The following PAQR7 variants were observed in gnomAD, a reference collection of about 807,000 sequenced individuals.
The protein encoded by PAQR7 is progestin and adipoQ receptor family member 7.
In PAQR7, 14 loss-of-function variants were observed where a neutral mutation model predicts 24.6. That is an observed-to-expected ratio of 0.57 (90% confidence interval 0.38 to 0.89). PAQR7 has a LOEUF of 0.89. PAQR7 is among the 40% of genes least tolerant of loss of function. The pLI is 0.00. For missense variants in PAQR7, 351 were observed against 444.0 expected (o/e 0.79, Z 1.88); for synonymous variants, 189 against 198.8 (o/e 0.95, Z 0.42).
At position 25,863,083 on chromosome 1, in the gene PAQR7, C is replaced by T. The variant is rs540686019; in HGVS notation, c.757G>A (p.Ala253Thr). The change falls in exon 3 of 3, where the codon GCC (alanine) becomes ACC (threonine). Residue 253 changes from alanine (A) to threonine (T), a missense_variant. By Grantham distance (58) the Ala-to-Thr change is moderately conservative. Transcript: ENST00000675840. The surrounding 1 kb of genome is among the most constrained non-coding windows in gnomAD (Gnocchi z 6.1). ...TCGGGCATGAAGGTAGAGAAGAAGGCAGCAGCCAGCAGAAAGAAGACCACC... is the reference window on the plus strand; with the variant it reads ...TCGGGCATGAAGGTAGAGAAGAAGGTAGCAGCCAGCAGAAAGAAGACCACC... ...CQVVFFLLAA[A>T]FFSTFMPERW... 48 of 1,614,044 alleles carry T rather than the reference C, an allele frequency of 3.0e-5. No homozygotes were observed. In the East Asian group the frequency reaches 1.0e-3, roughly 35 times the overall value.
intron 2 of PAQR7, among the ~76,000 whole-genome samples, chr1:25,867,549 T>C (rs980038404): frequency 6.6e-6 from 1 of 152,172 alleles, no homozygotes; most frequent in Non-Finnish European, 1.5e-5. Flanking sequence ...TTGGACTCAG[T>C]GTTCAGGTTC....
intron 2 of PAQR7, among the ~76,000 whole-genome samples, chr1:25,864,127 AAG>A (rs1228539619): frequency 1.3e-5 from 2 of 152,126 alleles, no homozygotes; most frequent in African/African-American, 4.8e-5. Flanking sequence ...ATTAACTAAT[AAG>A]GCTCCCTGTC....
intron 1 of PAQR7, among the ~76,000 whole-genome samples, chr1:25,874,015 C>G (rs1267081620): frequency 6.6e-6 from 1 of 152,136 alleles, no homozygotes; most frequent in Non-Finnish European, 1.5e-5. Context: ...TCCTGAGTAA[C>G]TGGGATTACA....
rs751356530 is a variant in PAQR7 at position 25,868,293 on chromosome 1, G to A, written c.-23+2316C>T. Among the ~76,000 whole-genome samples the A allele has an allele frequency of 3.9e-5, 6 of 152,194 alleles. No individual in the cohort carries two copies. In the East Asian group the frequency reaches 5.8e-4, roughly 15 times the overall value. ...TTCCACTACTGCGGCAAAGACCAGC[G>A]AATGATGGCGATGGCTGTGCCCTGT... On this transcript the variant is annotated intron_variant, in intron 2 of 2. Coordinates refer to ENST00000675840, the MANE Select transcript of PAQR7 (RefSeq NM_178422.6).
rs1557463058 is a variant in PAQR7, at chr1:25,863,629, CGTT to C, written c.208_210del (p.Asn70del). The C allele has an allele frequency of 6.2e-7, 1 of 1,613,896 alleles. No homozygotes were observed. ...AGGTGGGTCCAGACATTCACGGCCT[CGTT>C]GTGCTGCTGGAACAGCGTGCGGAAA... On this transcript the variant is annotated inframe_deletion, in exon 3 of 3. Transcript: ENST00000675840. The surrounding 1 kb of genome is among the most constrained non-coding windows in gnomAD (Gnocchi z 6.1).
At chr1:25,869,766 T>G (rs1377948694) in intron 2 of PAQR7, among the ~76,000 whole-genome samples, 1 of 152,114 alleles carries the variant, frequency 6.6e-6, no homozygotes, top group Non-Finnish European at 1.5e-5. Flanking sequence ...CCAGGCTCTT[T>G]CTTATAAATT....
intron 2 of PAQR7, among the ~76,000 whole-genome samples, chr1:25,869,916 A>G (rs546891830): frequency 2.2e-4 from 33 of 152,296 alleles, no homozygotes; most frequent in Middle Eastern, 3.4e-3. Context: ...TCCCCCAGAT[A>G]TAATGGGCCC....
Position 25,862,825 on chromosome 1 carries a change from G to A in PAQR7, c.1015C>T (p.Arg339Cys), listed in dbSNP as rs749458792. 41 of 1,613,842 alleles carry A rather than the reference G, an allele frequency of 2.5e-5. No individual in the cohort carries two copies. Among genetic ancestry groups the A allele is most frequent in the East Asian group, 1.6e-4 (7 of 44,896 alleles). Residue 339 changes from arginine to cysteine, a missense_variant, in exon 3 of 3, where the codon CGC (arginine) becomes TGC (cysteine). Arg to Cys is a radical substitution (Grantham distance 180, BLOSUM62 -3). Coordinates refer to ENST00000675840, the MANE Select transcript of PAQR7 (RefSeq NM_178422.6). ...CACTTGGTCTTCTGATCAAGTTTGC[G>A]CTGTACCAGCTGGCTCAGGAGGAAT... is the stretch of plus-strand genomic sequence containing the variant. ...TAFLLSQLVQ[R>C]KLDQKTK
At chr1:25,864,349 G>A (rs72879472) in intron 2 of PAQR7, among the ~76,000 whole-genome samples, 4,283 of 151,998 alleles carry the variant, frequency 0.028, 197 homozygotes, top group African/African-American at 0.094. Context: ...GAGTGGCCAG[G>A]GTCCCCTACT....
chr1:25,864,242 C>T (rs891386620), intron 2 of PAQR7, among the ~76,000 whole-genome samples: 10 of 152,144 alleles, frequency 6.6e-5, no homozygotes, highest in Admixed American at 2.6e-4. Flanking sequence ...AGGGGTGAGG[C>T]GCTCTCAGCC....
Position 25,862,779 on chromosome 1 carries a change from C to G in PAQR7, c.*20G>C. On this transcript the variant is annotated 3_prime_UTR_variant, in exon 3 of 3. Coordinates refer to ENST00000675840, the MANE Select transcript of PAQR7 (RefSeq NM_178422.6). ...CTGTCCCCCAACTATACCTCCCTCCCTACCAGATGCCATCCCCCTTCACTT... is the reference window on the plus strand; with the variant it reads ...CTGTCCCCCAACTATACCTCCCTCCGTACCAGATGCCATCCCCCTTCACTT... 1.2e-6 allele frequency: 2 copies of G among 1,603,628 alleles called. No individual in the cohort carries two copies. Among genetic ancestry groups the G allele is most frequent in the Non-Finnish European group, 1.7e-6 (2 of 1,173,518 alleles).
chr1:25,862,899 TTG>T lies in PAQR7; in HGVS notation c.939_940del (p.His313GlnfsTer29), dbSNP rs767269809. The T allele has an allele frequency of 1.2e-6, 2 of 1,612,988 alleles. No homozygotes were observed. Among genetic ancestry groups the T allele is most frequent in the Non-Finnish European group, 1.7e-6 (2 of 1,179,772 alleles). On this transcript the variant is annotated frameshift_variant, in exon 3 of 3. Coordinates refer to ENST00000675840, the MANE Select transcript of PAQR7 (RefSeq NM_178422.6). LOFTEE classifies it high-confidence loss of function. ...CGTGAGCAGGAAGAGGCCAGAAAAG[TTG>T]TGAGGCCAGTGCGTGTGCAGAGGCT...
chr1:25,862,850 T>G lies in PAQR7; in HGVS notation c.990A>C (p.Ala330=). The change falls in exon 3 of 3, where the codon GCA becomes GCC. Residue 330 remains alanine, a synonymous_variant. Coordinates refer to ENST00000675840, the MANE Select transcript of PAQR7 (RefSeq NM_178422.6). ...GCTGTACCAGCTGGCTCAGGAGGAA[T>G]GCAGTGAGGATGCTGCTGCCCACCG... The part of the protein sequence containing the change: ...LLTVGSSILT[A]FLLSQLVQRK... 1 of 1,614,072 alleles carries G rather than the reference T, an allele frequency of 6.2e-7. No homozygotes were observed. Among genetic ancestry groups the G allele is most frequent in the South Asian group, 1.1e-5 (1 of 91,072 alleles).
Position 25,862,862 on chromosome 1 carries a change from G to C in PAQR7, c.978C>G (p.Ser326Arg). 3.1e-6 allele frequency: 5 copies of C among 1,614,202 alleles called. No individual in the cohort carries two copies. The highest frequency in any genetic ancestry group is 4.2e-6 in the Non-Finnish European group (5 of 1,180,026). Reference sequence around the variant, plus strand: ...GGCTCAGGAGGAATGCAGTGAGGATGCTGCTGCCCACCGTGAGCAGGAAGA... The same window carrying C: ...GGCTCAGGAGGAATGCAGTGAGGATCCTGCTGCCCACCGTGAGCAGGAAGA... ...SGLFLLTVGSSILTAFLLSQL... is the reference protein window; with the variant it reads ...SGLFLLTVGSRILTAFLLSQL... The change falls in exon 3 of 3, where the codon AGC becomes AGG. Residue 326 changes from serine (S) to arginine (R), a missense_variant. Physicochemically the swap from Ser to Arg is moderately radical, Grantham distance 110 (BLOSUM62 -1). Coordinates refer to ENST00000675840, the MANE Select transcript of PAQR7 (RefSeq NM_178422.6).
At position 25,863,064 on chromosome 1, in the gene PAQR7, A is replaced by G. The variant is rs764650238; in HGVS notation, c.776T>C (p.Met259Thr). 2.5e-5 allele frequency: 41 copies of G among 1,614,076 alleles called. No homozygotes were observed. The Admixed American group carries it at 6.7e-4, about 26-fold the overall frequency. The part of the protein sequence containing the change: ...LLAAAFFSTF[M>T]PERWFPGSCH... ...GCTGCCAGGGAACCAGCGCTCGGGCATGAAGGTAGAGAAGAAGGCAGCAGC... is the reference window on the plus strand; with the variant it reads ...GCTGCCAGGGAACCAGCGCTCGGGCGTGAAGGTAGAGAAGAAGGCAGCAGC... The change falls in exon 3 of 3, where the codon ATG becomes ACG. Residue 259 changes from methionine to threonine, a missense_variant. Coordinates refer to ENST00000675840, the MANE Select transcript of PAQR7 (RefSeq NM_178422.6). This position sits in a 1 kb window ranked among gnomAD's most constrained non-coding sequence, Gnocchi z 6.1.
chr1:25,864,234 G>C (rs1292344687), intron 2 of PAQR7, among the ~76,000 whole-genome samples: 1 of 152,152 alleles, frequency 6.6e-6, no homozygotes, highest in East Asian at 1.9e-4. Context: ...CACATGAGAG[G>C]GGTGAGGCGC....
At chr1:25,867,892 T>G (rs998856325) in intron 2 of PAQR7, among the ~76,000 whole-genome samples, 1 of 152,234 alleles carries the variant, frequency 6.6e-6, no homozygotes, top group African/African-American at 2.4e-5. Flanking sequence ...CAGGGGCTGC[T>G]ACTTAGGACA....
rs2048525527 is a variant in PAQR7 at position 25,863,129 on chromosome 1, A to G, written c.711T>C (p.Ala237=). 6.2e-7 allele frequency: 1 copy of G among 1,614,062 alleles called. No homozygotes were observed. The highest frequency in any genetic ancestry group is 1.7e-5 in the Admixed American group (1 of 60,006). The change falls in exon 3 of 3, where the codon GCT becomes GCC. Residue 237 remains alanine (A), a synonymous_variant. Transcript: ENST00000675840. The surrounding 1 kb of genome is among the most constrained non-coding windows in gnomAD (Gnocchi z 6.1). ...VSSDPTTDDP[A]LLYHKCQVVF... ...CCACCTGGCACTTGTGGTAGAGAAGAGCTGGATCATCCGTGGTGGGGTCGG... is the reference window on the plus strand; with the variant it reads ...CCACCTGGCACTTGTGGTAGAGAAGGGCTGGATCATCCGTGGTGGGGTCGG...
At position 25,863,570 on chromosome 1, in the gene PAQR7, G is replaced by A; in HGVS notation, c.270C>T (p.Ala90=). 6.2e-7 allele frequency: 1 copy of A among 1,614,212 alleles called. No homozygotes were observed. The highest frequency in any genetic ancestry group is 8.5e-7 in the Non-Finnish European group (1 of 1,180,040). ...AGAAGTCCACGGTCTCCACAAAGAG[G>A]GCCAGCCGCAGCAGCAGTACCAGGG... ...LAALVLLLRL[A]LFVETVDFWG... The change falls in exon 3 of 3, where the codon GCC becomes GCT. Residue 90 remains alanine (A), a synonymous_variant. Transcript: ENST00000675840. This position sits in a 1 kb window ranked among gnomAD's most constrained non-coding sequence, Gnocchi z 6.1.
Sources: gnomAD v4.1 joint callset for allele counts (sites outside exome capture counted in the v4.1 genomes callset) on GRCh38, gnomAD v4.1.1 for gene constraint, Gnocchi (gnomAD v3.1) non-coding constraint, MANE v1.5 for transcripts, NCBI Gene and HGNC (gene_info 2026-07-23, HGNC 2026-07-21) for gene names.